BRDT: variants seen among roughly 807,000 people sequenced by gnomAD.
BRDT encodes the protein bromodomain testis-specific protein.
BRDT carries 77 observed loss-of-function variants against 113.9 expected under a neutral mutation model. The observed-to-expected ratio is 0.68, with a 90% CI of 0.56 to 0.82. The LOEUF (loss-of-function observed/expected upper bound fraction) is 0.82. BRDT is among the 40% of genes least tolerant of loss of function. BRDT has a pLI of 0.00. For missense variants in BRDT, 1,027 were observed against 1,105.4 expected, an observed-to-expected ratio of 0.93 and a Z score of 1.01; for synonymous variants, 358 against 366.5, an observed-to-expected ratio of 0.98 and a Z score of 0.26.
At chr1:91,969,656 T>C (rs1296981729) in intron 4 of BRDT, among the ~76,000 whole-genome samples, 1 of 152,052 alleles carries the variant, frequency 6.6e-6, no homozygotes, top group African/African-American at 2.4e-5. Context: ...AAGATAAAAA[T>C]TATTATTTTT....
At chr1:91,959,799 T>C (rs4658118) in intron 1 of BRDT, among the ~76,000 whole-genome samples, 107,052 of 152,078 alleles carry the variant, frequency 0.7, 38,914 homozygotes, top group Middle Eastern at 0.81. Flanking sequence ...TTTTATTAAG[T>C]GCTATATTTC....
chr1:91,980,324 C>T (rs1200154550), intron 8 of BRDT, among the ~76,000 whole-genome samples: 2 of 73,200 alleles, frequency 2.7e-5, no homozygotes, highest in Non-Finnish European at 7.8e-5. Context: ...CACACCACCG[C>T]ACTCCCACCT....
intron 15 of BRDT, among the ~76,000 whole-genome samples, chr1:91,998,027 G>C (rs1686499408): frequency 6.6e-6 from 1 of 152,146 alleles, no homozygotes; most frequent in South Asian, 2.1e-4. Context: ...AAGTGTTACT[G>C]GTTTTCATCA....
chr1:91,959,706 C>G (rs556553082), intron 1 of BRDT, among the ~76,000 whole-genome samples: 21 of 152,216 alleles, frequency 1.4e-4, no homozygotes, highest in African/African-American at 5.1e-4. Flanking sequence ...TGGTATTGAA[C>G]TCCTGCCCTC....
In BRDT at chr1:91,951,108, C is replaced by A. The variant is rs569429747; in HGVS notation, c.-38+1426C>A. Among the ~76,000 whole-genome samples, 7 of 152,208 alleles carry A rather than the reference C, an allele frequency of 4.6e-5. No individual in the cohort carries two copies. The South Asian group carries it at 1.5e-3, about 32-fold the overall frequency. On this transcript the variant is annotated intron_variant, in intron 1 of 18. Transcript: ENST00000399546. ...CTGTCATGGCCAACTACAGCCTGAA[C>A]TGACCTCAAGCGATTCTTCTGCCTA... is the stretch of plus-strand genomic sequence containing the variant.
At chr1:91,989,621 A>G (rs1685589390) in intron 12 of BRDT, among the ~76,000 whole-genome samples, 1 of 152,200 alleles carries the variant, frequency 6.6e-6, no homozygotes, top group African/African-American at 2.4e-5. Context: ...TTGGCCTCCC[A>G]AAGTGCTGGG....
In BRDT at chr1:91,964,623, A is replaced by G; in HGVS notation, c.193-4A>G. On this transcript the variant is annotated splice_polypyrimidine_tract_variant and splice_region_variant and intron_variant, in intron 2 of 18. Coordinates refer to ENST00000399546, the MANE Select transcript of BRDT (RefSeq NM_207189.4). ...TAACATTTAGAATTTGTTCAAAACC[A>G]TAGGATTATTATACCATTATAAAAA... 1.5e-6 allele frequency: 2 copies of G among 1,370,192 alleles called. No homozygotes were observed. Among genetic ancestry groups the G allele is most frequent in the Non-Finnish European group, 2.0e-6 (2 of 1,004,268 alleles). The allele number at this position is 1,370,192 out of a possible 1,614,324, so 84.9% of individuals were successfully genotyped here.
In BRDT at chr1:91,950,708, T is replaced by A. The variant is rs898710897; in HGVS notation, c.-38+1026T>A. On this transcript the variant is annotated intron_variant, in intron 1 of 18. Transcript: ENST00000399546. ...GCTTTTTTTTTTTTTTTTTTTTTTT[T>A]AATACAGATAGCTGCTATGGCTGGG... is the stretch of plus-strand genomic sequence containing the variant. 117 of 141,808 alleles carry A rather than the reference T, an allele frequency of 8.3e-4. 1 individual carries two copies. The highest frequency in any genetic ancestry group is 2.7e-3 in the African/African-American group (98 of 36,708). The allele number at this position is 141,808 out of a possible 1,614,324, so 8.8% of individuals were successfully genotyped here. A position where few individuals can be genotyped will look rare whatever the true frequency, so the allele number is the denominator to read the frequency against.
intron 1 of BRDT, among the ~76,000 whole-genome samples, chr1:91,955,360 A>G (rs1038406867): frequency 4.6e-5 from 7 of 152,100 alleles, no homozygotes; most frequent in African/African-American, 1.7e-4. Flanking sequence ...AGGCTGAGGC[A>G]GAAGAATCGC....
chr1:92,000,304 C>T (rs1686720544), intron 15 of BRDT, among the ~76,000 whole-genome samples: 1 of 152,202 alleles, frequency 6.6e-6, no homozygotes, highest in African/African-American at 2.4e-5. Context: ...TTTTCTCCTT[C>T]CTAAATAATC....
chr1:91,955,995 A>G (rs72718404), intron 1 of BRDT, among the ~76,000 whole-genome samples: 5,051 of 150,704 alleles, frequency 0.034, 126 homozygotes, highest in Middle Eastern at 0.095. Context: ...CAAAAAAACT[A>G]TATCAGCAAT....
At chr1:91,984,212 A>AT (rs202236421) in intron 12 of BRDT, among the ~76,000 whole-genome samples, 109 of 151,272 alleles carry the variant, frequency 7.2e-4, no homozygotes, top group Non-Finnish European at 1.2e-3. Flanking sequence ...TTTTGTCCTA[A>AT]TTTTTTTTTG....
chr1:91,976,205 A>C (rs1684123408), intron 4 of BRDT, 61 bp from the exon 5 acceptor site: 14 of 1,431,428 alleles, frequency 9.8e-6, no homozygotes, highest in African/African-American at 1.5e-5. Flanking sequence ...AAAATAAGAC[A>C]GAAAGTGGTA....
At position 91,986,746 on chromosome 1, in the gene BRDT, G is replaced by A. The variant is rs182864958; in HGVS notation, c.2003-4438G>A. ...CTAGGTCTTCTATAGACATGACAAG[G>A]ATATGATTTTTTTCATGCAAGGTTT... is the stretch of plus-strand genomic sequence containing the variant. On this transcript the variant is annotated intron_variant, in intron 12 of 18. Coordinates refer to ENST00000399546, the MANE Select transcript of BRDT (RefSeq NM_207189.4). 5.0e-4 allele frequency among the ~76,000 whole-genome samples: 76 copies of A among 152,146 alleles called. No homozygotes were observed. In the East Asian group the frequency reaches 0.014, roughly 28 times the overall value.
intron 2 of BRDT, 41 bp downstream of exon 2, chr1:91,962,987 ACTC>A (rs773548471): frequency 5.0e-5 from 71 of 1,425,826 alleles, no homozygotes; most frequent in Middle Eastern, 1.8e-4. Flanking sequence ...AAAAAAGAAA[ACTC>A]CTGTAAATTT....
chr1:91,958,473 C>T lies in BRDT; in HGVS notation c.-37-4245C>T, dbSNP rs567118051. Among the ~76,000 whole-genome samples the T allele has an allele frequency of 8.5e-5, 13 of 152,276 alleles. No homozygotes were observed. In the South Asian group the frequency reaches 2.7e-3, roughly 32 times the overall value. ...TTGGGTGGTCTACCCACCTTCACCT[C>T]CCAAAGTGTTGGGATTACAGGTGTG... On this transcript the variant is annotated intron_variant, in intron 1 of 18. Transcript: ENST00000399546.
At chr1:91,974,906 G>T (rs1683980102) in intron 4 of BRDT, among the ~76,000 whole-genome samples, 1 of 152,180 alleles carries the variant, frequency 6.6e-6, no homozygotes, top group Non-Finnish European at 1.5e-5. Flanking sequence ...TGATAGACTG[G>T]ATTAAGAAAA....
intron 15 of BRDT, among the ~76,000 whole-genome samples, chr1:91,997,551 G>A (rs1017845470): frequency 2.0e-5 from 3 of 152,132 alleles, no homozygotes; most frequent in African/African-American, 7.2e-5. Context: ...AATAGATTAT[G>A]AAAAACAAAG....
chr1:91,977,053 G>C lies in BRDT; in HGVS notation c.629G>C (p.Gly210Ala). 3 of 1,599,300 alleles carry C rather than the reference G, an allele frequency of 1.9e-6. No homozygotes were observed. The highest frequency in any genetic ancestry group is 2.6e-6 in the Non-Finnish European group (3 of 1,173,534). ...SSQTAAQVTK[G>A]VKRKADTTTP... ...ATTGTTCTGTTGTAGGTTACAAAAG[G>C]TGTGAAGAGGAAAGCAGATACAACA... Residue 210 changes from glycine (G) to alanine (A), a missense_variant, in exon 6 of 19, where the codon GGT becomes GCT. By Grantham distance (60) the Gly-to-Ala change is moderately conservative. Coordinates refer to ENST00000399546, the MANE Select transcript of BRDT (RefSeq NM_207189.4).
Sources: gnomAD v4.1 joint callset for allele counts (sites outside exome capture counted in the v4.1 genomes callset) on GRCh38, gnomAD v4.1.1 for gene constraint, MANE v1.5 for transcripts, NCBI Gene and HGNC (gene_info 2026-07-23, HGNC 2026-07-21) for gene names.